GLIPR1L2: variants seen among roughly 807,000 people sequenced by gnomAD.
The protein encoded by GLIPR1L2 is GLIPR1 like 2, also known as GLIPR1-like protein 2.
In GLIPR1L2, 21 loss-of-function variants were observed where a neutral mutation model predicts 28.4. That is an observed-to-expected ratio of 0.74 (90% CI 0.52 to 1.06). The LOEUF (loss-of-function observed/expected upper bound fraction) is 1.06, where lower values mean the gene tolerates loss of function less well. Among genes scored for constraint, GLIPR1L2 ranks in the 50% least tolerant of loss-of-function variants. The probability of loss-of-function intolerance (pLI) is 0.00; values close to 1 mark genes in which losing one functional copy is unlikely to be tolerated. For synonymous variants in GLIPR1L2, 145 were observed against 139.3 expected (o/e 1.04, Z -0.29); for missense variants, 476 against 416.9 (o/e 1.14, Z -1.23).
chr12:75,423,929 G>A (rs2046006899), intron 4 of GLIPR1L2: 1 of 152,188 alleles, frequency 6.6e-6, no homozygotes, highest in African/African-American at 2.4e-5. Context: ...AGTATTCCAT[G>A]GTGTATATGT....
At position 75,418,670 on chromosome 12, in the gene GLIPR1L2, TAGTTCC is replaced by T. The variant is rs571740122; in HGVS notation, c.585-4232_585-4227del. On this transcript the variant is annotated intron_variant, in intron 3 of 5. Transcript: ENST00000550916. ...TTGTCTTGGCTATTCGGGCTCTTTT[TAGTTCC>T]ATATGAAATTTAAAGTAGTTTTTTC... Among the ~76,000 whole-genome samples the T allele has an allele frequency of 2.4e-3, 368 of 152,302 alleles. 6 individuals carry two copies. Among genetic ancestry groups the T allele is most frequent in the Non-Finnish European group, 1.5e-3 (105 of 68,032 alleles).
intron 3 of GLIPR1L2, among the ~76,000 whole-genome samples, chr12:75,422,220 C>A (rs532921519): frequency 6.6e-6 from 1 of 151,848 alleles, no homozygotes; most frequent in Non-Finnish European, 1.5e-5. Flanking sequence ...TCTCGAACTC[C>A]TGGTCTCAAG....
intron 4 of GLIPR1L2, among the ~76,000 whole-genome samples, chr12:75,426,900 C>A (rs529344740): frequency 6.6e-6 from 1 of 152,188 alleles, no homozygotes; most frequent in African/African-American, 2.4e-5. Context: ...CTCATGAGCA[C>A]TTCTTCAATA....
In GLIPR1L2 at chr12:75,430,814, T is replaced by G; in HGVS notation, c.698-10T>G. The G allele has an allele frequency of 6.5e-7, 1 of 1,533,244 alleles. No homozygotes were observed. Among genetic ancestry groups the G allele is most frequent in the Non-Finnish European group, 8.7e-7 (1 of 1,145,668 alleles). The allele number at this position is 1,533,244 out of a possible 1,614,324, so 95.0% of individuals were successfully genotyped here. ...TGAAATCCAGCTTTCAATTGCTTCT[T>G]TGTTTACAGATTACCGATTTTGGTA... On this transcript the variant is annotated splice_polypyrimidine_tract_variant and intron_variant, in intron 5 of 5. Transcript: ENST00000550916.
chr12:75,404,377 A>G (rs2045774557), intron 1 of GLIPR1L2, among the ~76,000 whole-genome samples: 1 of 152,176 alleles, frequency 6.6e-6, no homozygotes, highest in Non-Finnish European at 1.5e-5. Context: ...AAAAATACAA[A>G]CTAATCCACA....
intron 2 of GLIPR1L2, 111 bp downstream of exon 2, chr12:75,410,790 T>A: frequency 1.3e-6 from 1 of 794,346 alleles, no homozygotes; most frequent in Non-Finnish European, 1.9e-6. Flanking sequence ...TTATCACATT[T>A]AATAAGATCA....
chr12:75,401,118 G>A (rs917032678), intron 1 of GLIPR1L2, among the ~76,000 whole-genome samples: 1 of 151,678 alleles, frequency 6.6e-6, no homozygotes, highest in Admixed American at 6.6e-5. Flanking sequence ...CATCAAGCCT[G>A]TAATATAAGG....
At chr12:75,415,264 A>G (rs1265325939) in intron 3 of GLIPR1L2, among the ~76,000 whole-genome samples, 5 of 152,122 alleles carry the variant, frequency 3.3e-5, no homozygotes, top group African/African-American at 1.2e-4. Context: ...GAAGGTCTTA[A>G]GCACAGAGTG....
At chr12:75,425,768 A>T (rs1037217283) in intron 4 of GLIPR1L2, among the ~76,000 whole-genome samples, 1 of 152,144 alleles carries the variant, frequency 6.6e-6, no homozygotes, top group African/African-American at 2.4e-5. Context: ...ATGATGGGAG[A>T]TCGGAAGCAT....
rs778613082 is a variant in GLIPR1L2, at chr12:75,422,968, A to G, written c.649A>G (p.Lys217Glu). 4 of 1,613,134 alleles carry G rather than the reference A, an allele frequency of 2.5e-6. No individual in the cohort carries two copies. Among genetic ancestry groups the G allele is most frequent in the Non-Finnish European group, 3.4e-6 (4 of 1,179,466 alleles). Residue 217 changes from lysine to glutamate, a missense_variant, in exon 4 of 6, where the codon AAA becomes GAA. Coordinates refer to ENST00000550916, the MANE Select transcript of GLIPR1L2 (RefSeq NM_001270396.2). Reference sequence around the variant, plus strand: ...TTGTACTCGATGTGGCAGACGTGACAAATGCACAGATTTTCTATGCAGTAA... The same window carrying G: ...TTGTACTCGATGTGGCAGACGTGACGAATGCACAGATTTTCTATGCAGTAA... ...IFCTRCGRRDKCTDFLCSNAD... is the reference protein window; with the variant it reads ...IFCTRCGRRDECTDFLCSNAD...
chr12:75,407,916 ATT>A (rs770268562), intron 1 of GLIPR1L2, among the ~76,000 whole-genome samples: 1 of 152,026 alleles, frequency 6.6e-6, no homozygotes, highest in Non-Finnish European at 1.5e-5. Flanking sequence ...AGAGTTTATG[ATT>A]ATACCTTCCT....
chr12:75,402,300 A>G (rs1468390246), intron 1 of GLIPR1L2, among the ~76,000 whole-genome samples: 1 of 152,214 alleles, frequency 6.6e-6, no homozygotes, highest in Non-Finnish European at 1.5e-5. Context: ...CATCTTAGGT[A>G]ACAATAAAGA....
intron 1 of GLIPR1L2, among the ~76,000 whole-genome samples, chr12:75,402,704 A>G (rs1420067832): frequency 1.3e-5 from 2 of 152,166 alleles, no homozygotes; most frequent in Non-Finnish European, 2.9e-5. Context: ...TGTTATTGCA[A>G]ATCACACCTA....
At chr12:75,395,411 T>C (rs564632376) in intron 1 of GLIPR1L2, among the ~76,000 whole-genome samples, 100 of 152,050 alleles carry the variant, frequency 6.6e-4, no homozygotes, top group African/African-American at 2.3e-3. Context: ...AGTTTTCTTA[T>C]AGTATCTTTT....
chr12:75,421,700 T>C (rs188516656), intron 3 of GLIPR1L2, among the ~76,000 whole-genome samples: 2 of 152,284 alleles, frequency 1.3e-5, no homozygotes, highest in Admixed American at 6.5e-5. Flanking sequence ...CATTTAGCTG[T>C]AGGCAATTGA....
chr12:75,409,036 G>C (rs2139939162), intron 1 of GLIPR1L2, among the ~76,000 whole-genome samples: 1 of 152,118 alleles, frequency 6.6e-6, no homozygotes, highest in Non-Finnish European at 1.5e-5. Context: ...TGTTCAATCT[G>C]TGGCCTTCAG....
At position 75,426,479 on chromosome 12, in the gene GLIPR1L2, A is replaced by T. The variant is rs1594032642; in HGVS notation, c.670+3490A>T. On this transcript the variant is annotated intron_variant, in intron 4 of 5. Coordinates refer to ENST00000550916, the MANE Select transcript of GLIPR1L2 (RefSeq NM_001270396.2). ...ACTAAGAAGCCACTGTGAAACTCAC[A>T]TTGATCCATCTTACCTGGCCTACTA... is the stretch of plus-strand genomic sequence containing the variant. 3.3e-5 allele frequency among the ~76,000 whole-genome samples: 5 copies of T among 152,344 alleles called. No homozygotes were observed. In the South Asian group the frequency reaches 1.0e-3, roughly 32 times the overall value.
Position 75,410,140 on chromosome 12 carries a change from G to C in GLIPR1L2, c.235-294G>C, listed in dbSNP as rs2045850401. 2.0e-5 allele frequency among the ~76,000 whole-genome samples: 3 copies of C among 151,682 alleles called. No individual in the cohort carries two copies. In the South Asian group the frequency reaches 6.2e-4, roughly 31 times the overall value. On this transcript the variant is annotated intron_variant, in intron 1 of 5. Coordinates refer to ENST00000550916, the MANE Select transcript of GLIPR1L2 (RefSeq NM_001270396.2). ...AAATATATACTCTGAGCAGACTATA[G>C]GTAAGTGTATTACATACTTCTGAAC... is the stretch of plus-strand genomic sequence containing the variant.
chr12:75,404,252 T>C (rs937991747), intron 1 of GLIPR1L2, among the ~76,000 whole-genome samples: 1 of 152,154 alleles, frequency 6.6e-6, no homozygotes, highest in African/African-American at 2.4e-5. Flanking sequence ...TGATATTTTC[T>C]TACCTTGAGA....
Sources: allele counts gnomAD v4.1 joint callset (sites outside exome capture counted in the v4.1 genomes callset), GRCh38; gene constraint gnomAD v4.1.1; transcripts MANE v1.5; gene names NCBI Gene and HGNC (gene_info 2026-07-23, HGNC 2026-07-21).